ATP8A2: variants seen among roughly 807,000 people sequenced by gnomAD.
The protein encoded by ATP8A2 is ATPase phospholipid transporting 8A2.
A neutral mutation model predicts 165.6 loss-of-function variants in ATP8A2; 100 were observed. That is an observed-to-expected ratio of 0.60 (90% CI 0.51 to 0.71). The LOEUF (loss-of-function observed/expected upper bound fraction) is 0.71. ATP8A2 is among the 30% of genes least tolerant of loss of function. The pLI is 0.00. For missense variants in ATP8A2, 1,227 were observed against 1,479.5 expected (o/e 0.83, Z 2.80); for synonymous variants, 543 against 548.8 (o/e 0.99, Z 0.15).
chr13:25,692,680 G>C (rs2042751083), intron 24 of ATP8A2, among the ~76,000 whole-genome samples: 1 of 152,148 alleles, frequency 6.6e-6, no homozygotes, highest in Admixed American at 6.5e-5. Context: ...GATCCTCTAT[G>C]AATCAGCAGA....
chr13:25,801,664 G>A (rs1252314060), intron 27 of ATP8A2, among the ~76,000 whole-genome samples: 2 of 152,146 alleles, frequency 1.3e-5, no homozygotes, highest in African/African-American at 4.8e-5. Flanking sequence ...AAGTTGTTGG[G>A]TGTGAACAAA....
intron 24 of ATP8A2, among the ~76,000 whole-genome samples, chr13:25,636,085 A>T (rs2041360768): frequency 6.6e-6 from 1 of 152,156 alleles, no homozygotes; most frequent in South Asian, 2.1e-4. Context: ...GGAAGTCCAC[A>T]GTGAAGGCCG....
chr13:25,490,509 G>A (rs1318064182), intron 2 of ATP8A2, among the ~76,000 whole-genome samples: 3 of 152,198 alleles, frequency 2.0e-5, no homozygotes, highest in Admixed American at 2.0e-4. Context: ...ACTTGCCTGA[G>A]TTCCTACAGT....
chr13:25,908,876 G>C (rs1483472784), intron 33 of ATP8A2, among the ~76,000 whole-genome samples: 16 of 152,116 alleles, frequency 1.1e-4, no homozygotes, highest in Non-Finnish European at 2.2e-4. Flanking sequence ...AATAATTTTA[G>C]TGTGCAATGC....
intron 2 of ATP8A2, among the ~76,000 whole-genome samples, chr13:25,510,024 G>C (rs1465991136): frequency 2.0e-5 from 3 of 152,230 alleles, no homozygotes; most frequent in Non-Finnish European, 4.4e-5. Flanking sequence ...CTGTTGGTCT[G>C]AGTTGTACAA....
intron 28 of ATP8A2, 68 bp from the exon 29 acceptor site, chr13:25,837,095 T>C: frequency 6.4e-7 from 1 of 1,568,826 alleles, no homozygotes; most frequent in South Asian, 1.2e-5. Flanking sequence ...CATCATTTGG[T>C]AGAAGGGAAC....
At chr13:25,570,953 A>G (rs572004777) in intron 17 of ATP8A2, 81 bp downstream of exon 17, 10 of 1,013,766 alleles carry the variant, frequency 9.9e-6, no homozygotes, top group East Asian at 7.7e-5. Context: ...AGGTGTTGCC[A>G]TGTAGTCCGT....
intron 35 of ATP8A2, among the ~76,000 whole-genome samples, chr13:25,988,194 A>C (rs3783143): frequency 1.3e-5 from 2 of 152,316 alleles, no homozygotes; most frequent in South Asian, 2.1e-4. Context: ...CCAGCTGAGC[A>C]TGCATGCCAG....
intron 1 of ATP8A2, among the ~76,000 whole-genome samples, chr13:25,447,199 G>T (rs1025421891): frequency 2.6e-5 from 4 of 151,956 alleles, no homozygotes; most frequent in Non-Finnish European, 5.9e-5. Flanking sequence ...AATAATTTTT[G>T]GGGGGTTAAC....
chr13:25,759,421 AG>A (rs973285869), intron 25 of ATP8A2, among the ~76,000 whole-genome samples: 17 of 152,200 alleles, frequency 1.1e-4, no homozygotes, highest in African/African-American at 4.1e-4. Flanking sequence ...AACACTTCTC[AG>A]CTTTCCTCTC....
chr13:25,429,360 T>A (rs2034537911), intron 1 of ATP8A2, among the ~76,000 whole-genome samples: 1 of 121,882 alleles, frequency 8.2e-6, no homozygotes, highest in Admixed American at 1.0e-4. Context: ...CATAACAGTG[T>A]GACTCCATCT....
At chr13:25,889,098 A>G (rs1333860721) in intron 33 of ATP8A2, among the ~76,000 whole-genome samples, 1 of 151,904 alleles carries the variant, frequency 6.6e-6, no homozygotes, top group Non-Finnish European at 1.5e-5. Context: ...AAAGATTTCA[A>G]TGTTATTTCG....
intron 24 of ATP8A2, among the ~76,000 whole-genome samples, chr13:25,688,162 C>G (rs1007642956): frequency 6.6e-6 from 1 of 152,076 alleles, no homozygotes; most frequent in Non-Finnish European, 1.5e-5. Context: ...TTCTGAAACT[C>G]TTGGGCCTCT....
intron 2 of ATP8A2, among the ~76,000 whole-genome samples, chr13:25,472,659 T>A (rs1169004040): frequency 2.6e-5 from 4 of 152,216 alleles, no homozygotes; most frequent in Non-Finnish European, 5.9e-5. Flanking sequence ...AATGGTTTTC[T>A]TAGAGGCAGG....
chr13:25,961,507 A>T, intron 33 of ATP8A2, 68 bp from the exon 34 acceptor site: 1 of 1,261,350 alleles, frequency 7.9e-7, no homozygotes. Flanking sequence ...ATTATCCTTG[A>T]TTACATTATG....
intron 1 of ATP8A2, among the ~76,000 whole-genome samples, chr13:25,449,892 A>G (rs983115271): frequency 6.6e-6 from 1 of 152,104 alleles, no homozygotes; most frequent in African/African-American, 2.4e-5. Flanking sequence ...AACTTGTGTC[A>G]TGGGAGTTTG....
At chr13:25,971,921 G>C (rs1225291261) in intron 35 of ATP8A2, among the ~76,000 whole-genome samples, 1 of 152,084 alleles carries the variant, frequency 6.6e-6, no homozygotes, top group African/African-American at 2.4e-5. Flanking sequence ...GGCACCCCCA[G>C]GGGTCCTCAG....
intron 27 of ATP8A2, among the ~76,000 whole-genome samples, chr13:25,783,968 A>G (rs1489259202): frequency 6.6e-6 from 1 of 152,148 alleles, no homozygotes; most frequent in Non-Finnish European, 1.5e-5. Context: ...GGGTGAGAGG[A>G]CAGGGAAGAG....
chr13:26,019,666 A>T (rs904877893), intron 36 of ATP8A2, among the ~76,000 whole-genome samples: 3 of 152,176 alleles, frequency 2.0e-5, no homozygotes, highest in Non-Finnish European at 4.4e-5. Context: ...CCTTCCCAGC[A>T]TCAGCAGCTA....
Sources: allele counts gnomAD v4.1 joint callset (sites outside exome capture counted in the v4.1 genomes callset), GRCh38; gene constraint gnomAD v4.1.1; transcripts MANE v1.5; gene names NCBI Gene and HGNC (gene_info 2026-07-23, HGNC 2026-07-21).